The following ALDH1L2 variants were observed in gnomAD, a reference collection of about 807,000 sequenced individuals.
ALDH1L2 encodes the protein mitochondrial 10-formyltetrahydrofolate dehydrogenase.
A neutral mutation model predicts 111.0 loss-of-function variants in ALDH1L2; 91 were observed. That is an observed-to-expected ratio of 0.82 (90% CI 0.69 to 0.98). The LOEUF is 0.98. ALDH1L2 is among the 50% of genes least tolerant of loss of function. The pLI, the probability that ALDH1L2 is intolerant of heterozygous loss-of-function variation, is 0.00. For synonymous variants in ALDH1L2, 374 were observed against 392.6 expected (o/e 0.95, Z 0.56); for missense variants, 995 against 1,126.8 (o/e 0.88, Z 1.67).
Position 105,046,912 on chromosome 12 carries a change from T to C in ALDH1L2, c.1744A>G (p.Lys582Glu), listed in dbSNP as rs780496389. The stretch of plus-strand genomic sequence containing the variant: ...TCCTTATCTTACCCGAGTGGCTCTT[T>C]CTTGGTGAAGGTCAGATTGCGATTT... ...RPNRNLTFTK[K>E]EPLGVCAIII... Residue 582 changes from lysine to glutamate, a missense_variant, in exon 14 of 23, where the codon AAA becomes GAA. Physicochemically the swap from Lys to Glu is moderately conservative, Grantham distance 56 (BLOSUM62 1). Transcript: ENST00000258494. The C allele has an allele frequency of 1.9e-6, 3 of 1,614,128 alleles. No homozygotes were observed. The highest frequency in any genetic ancestry group is 1.7e-5 in the Admixed American group (1 of 60,022).
At chr12:105,031,426 G>A (rs769435848) in intron 20 of ALDH1L2, among the ~76,000 whole-genome samples, 21 of 152,144 alleles carry the variant, frequency 1.4e-4, no homozygotes, top group Non-Finnish European at 2.2e-4. Context: ...TGTATTACAC[G>A]TTTTATTCCA....
intron 15 of ALDH1L2, 105 bp downstream of exon 15, chr12:105,046,605 C>T: frequency 1.0e-6 from 1 of 978,826 alleles, no homozygotes; most frequent in Non-Finnish European, 1.5e-6. Flanking sequence ...AGAAAAATGC[C>T]ATACCATCTC....
At chr12:105,081,286 A>G (rs1878325383) in intron 1 of ALDH1L2, among the ~76,000 whole-genome samples, 1 of 152,242 alleles carries the variant, frequency 6.6e-6, no homozygotes, top group Non-Finnish European at 1.5e-5. Flanking sequence ...TCCTCAGTGT[A>G]TAACAGACAA....
At chr12:105,032,096 T>C (rs1874734070) in intron 19 of ALDH1L2, among the ~76,000 whole-genome samples, 162 bp from the exon 20 acceptor site, 1 of 151,048 alleles carries the variant, frequency 6.6e-6, no homozygotes, top group Admixed American at 6.6e-5. Context: ...TTTTCCTTTT[T>C]GGAGACAGGG....
intron 1 of ALDH1L2, among the ~76,000 whole-genome samples, chr12:105,077,331 C>T (rs575348175): frequency 1.7e-4 from 26 of 150,786 alleles, no homozygotes; most frequent in African/African-American, 5.4e-4. Flanking sequence ...AGTGCAATGG[C>T]GCCATCTCGG....
rs1435191528 is a variant in ALDH1L2, at chr12:105,021,796, C to G, written c.*2628G>C. 6.6e-6 allele frequency: 1 copy of G among 151,946 alleles called. No individual in the cohort carries two copies. Among genetic ancestry groups the G allele is most frequent in the Non-Finnish European group, 1.5e-5 (1 of 68,008 alleles). 9.4% of individuals were successfully genotyped at this position (151,946 alleles called of 1,614,324 possible). On this transcript the variant is annotated 3_prime_UTR_variant, in exon 23 of 23. Transcript: ENST00000258494. ...CATACTGGAGTTGGGGAGGGTTGTT[C>G]ATATCTAATTAAGAAGGCAAGTAAT...
At position 105,052,223 on chromosome 12, in the gene ALDH1L2, T is replaced by C; in HGVS notation, c.1408-6A>G. The C allele has an allele frequency of 1.3e-6, 2 of 1,591,682 alleles. No homozygotes were observed. The highest frequency in any genetic ancestry group is 8.5e-7 in the Non-Finnish European group (1 of 1,172,206). ...TAGGATACTTTGCATATTGTCTATT[T>C]CAAGGTAAGTAAAAATAGGCCCCAT... is the stretch of plus-strand genomic sequence containing the variant. On this transcript the variant is annotated splice_region_variant and splice_polypyrimidine_tract_variant and intron_variant, in intron 11 of 22. Coordinates refer to ENST00000258494, the MANE Select transcript of ALDH1L2 (RefSeq NM_001034173.4).
chr12:105,060,501 AT>A, intron 9 of ALDH1L2: 1 of 152,714 alleles, frequency 6.5e-6, no homozygotes, highest in East Asian at 1.9e-4. Context: ...CTGCTTGACC[AT>A]GGAAACAATA....
intron 9 of ALDH1L2, among the ~76,000 whole-genome samples, chr12:105,058,664 G>A (rs10861337): frequency 0.097 from 14,748 of 152,200 alleles, 828 homozygotes; most frequent in East Asian, 0.24. Flanking sequence ...GTATTACGTA[G>A]TTAACATAGG....
intron 20 of ALDH1L2, among the ~76,000 whole-genome samples, chr12:105,031,200 C>T (rs1184291733): frequency 6.6e-6 from 1 of 152,156 alleles, no homozygotes; most frequent in Non-Finnish European, 1.5e-5. Flanking sequence ...GTGTACAGCT[C>T]AGTGTTATGA....
At chr12:105,045,934 T>G (rs1875819179) in intron 15 of ALDH1L2, among the ~76,000 whole-genome samples, 1 of 151,984 alleles carries the variant, frequency 6.6e-6, no homozygotes, top group Non-Finnish European at 1.5e-5. Flanking sequence ...AGTTTATTTT[T>G]CTTCTAATTT....
At position 105,030,311 on chromosome 12, in the gene ALDH1L2, C is replaced by A. The variant is rs1874630454; in HGVS notation, c.2516+13G>T. The A allele has an allele frequency of 6.2e-7, 1 of 1,603,752 alleles. No individual in the cohort carries two copies. Among genetic ancestry groups the A allele is most frequent in the Non-Finnish European group, 8.5e-7 (1 of 1,174,662 alleles). ...AGTCAAAACCTAAGTTACATTGTGT[C>A]TGAAGAACCTACCCATTTTGGAATT... On this transcript the variant is annotated intron_variant, in intron 21 of 22. Coordinates refer to ENST00000258494, the MANE Select transcript of ALDH1L2 (RefSeq NM_001034173.4).
chr12:105,068,584 G>T, intron 4 of ALDH1L2, 135 bp downstream of exon 4: 1 of 941,014 alleles, frequency 1.1e-6, no homozygotes, highest in Non-Finnish European at 1.4e-6. Context: ...CATCCCATTA[G>T]TTAAAAAAAA....
rs1875128659 is a variant in ALDH1L2, at chr12:105,036,514, T to TATA, written c.2145+1588_2145+1589insTAT. On this transcript the variant is annotated intron_variant, in intron 18 of 22. Transcript: ENST00000258494. ...ATATTTATATATGTATATATATATT[T>TATA]TATATATATATATATATATATATAT... Among the ~76,000 whole-genome samples the TATA allele has an allele frequency of 1.4e-3, 34 of 23,628 alleles. 2 individuals are homozygous for TATA. Among genetic ancestry groups the TATA allele is most frequent in the South Asian group, 5.3e-3 (3 of 562 alleles). The allele number at this position is 23,628 out of a possible 152,430, so 15.5% of individuals were successfully genotyped here. A position where few individuals can be genotyped will look rare whatever the true frequency, so the allele number is the denominator to read the frequency against.
intron 20 of ALDH1L2, among the ~76,000 whole-genome samples, chr12:105,030,695 T>G (rs1874650126): frequency 6.6e-6 from 1 of 152,222 alleles, no homozygotes; most frequent in East Asian, 1.9e-4. Context: ...TATTTATCTT[T>G]TCCTCATTGA....
Position 105,074,187 on chromosome 12 carries a change from G to C in ALDH1L2, c.49-182C>G, listed in dbSNP as rs189414403. The C allele has an allele frequency of 9.6e-5, 67 of 700,210 alleles. No individual in the cohort carries two copies. In the African/African-American group the frequency reaches 1.1e-3, roughly 11 times the overall value. 43.4% of individuals were successfully genotyped at this position (700,210 alleles called of 1,614,324 possible). ...AGAAACCTACCCTTGGCCGGGCACG[G>C]TGGCTCACGCTTATAATCCCAGCAC... On this transcript the variant is annotated intron_variant, in intron 1 of 22. Coordinates refer to ENST00000258494, the MANE Select transcript of ALDH1L2 (RefSeq NM_001034173.4).
intron 12 of ALDH1L2, chr12:105,050,739 A>C (rs1436383688): frequency 4.5e-6 from 2 of 448,746 alleles, no homozygotes; most frequent in East Asian, 1.4e-4. Flanking sequence ...AGACTGGGTA[A>C]TTTATAAAGG....
At position 105,071,216 on chromosome 12, in the gene ALDH1L2, T is replaced by A. The variant is rs978257345; in HGVS notation, c.194-412A>T. On this transcript the variant is annotated intron_variant, in intron 2 of 22. Coordinates refer to ENST00000258494, the MANE Select transcript of ALDH1L2 (RefSeq NM_001034173.4). The stretch of plus-strand genomic sequence containing the variant: ...GAAAGCCATGAAACTCTTCCCTCCC[T>A]ATACTGAACACATCGTAGACCAGAA... 2.0e-5 allele frequency among the ~76,000 whole-genome samples: 3 copies of A among 152,188 alleles called. No individual in the cohort carries two copies. In the East Asian group the frequency reaches 5.8e-4, roughly 29 times the overall value.
intron 1 of ALDH1L2, among the ~76,000 whole-genome samples, chr12:105,074,458 C>CAAAAAAAA (rs59114614): frequency 1.0e-4 from 4 of 38,900 alleles, no homozygotes; most frequent in African/African-American, 3.7e-4. Flanking sequence ...ACTCTGTCTC[C>CAAAAAAAA]AAAAAAAAAA....
Sources: allele counts gnomAD v4.1 joint callset (sites outside exome capture counted in the v4.1 genomes callset), GRCh38; gene constraint gnomAD v4.1.1; transcripts MANE v1.5; gene names NCBI Gene and HGNC (gene_info 2026-07-23, HGNC 2026-07-21).